The following KAZN variants were observed in gnomAD, a reference collection of about 807,000 sequenced individuals.
The protein encoded by KAZN is kazrin.
KAZN carries 40 observed loss-of-function variants against 87.4 expected under a neutral mutation model. That is an observed-to-expected ratio of 0.46 (90% CI 0.36 to 0.60). The LOEUF is 0.60. Ranked by LOEUF, KAZN falls within the 20% of genes least tolerant of loss-of-function variation. The pLI is 0.00. For synonymous variants in KAZN, 466 were observed against 458.3 expected (o/e 1.02, Z -0.22); for missense variants, 898 against 1,073.9 (o/e 0.84, Z 2.29).
chr1:14,900,123 C>A (rs1322542779), intron 1 of KAZN, among the ~76,000 whole-genome samples: 1 of 152,188 alleles, frequency 6.6e-6, no homozygotes, highest in Admixed American at 6.5e-5. Context: ...TGTCTGCTCA[C>A]CCCGATGGCT....
intron 2 of KAZN, among the ~76,000 whole-genome samples, chr1:14,323,388 G>A (rs1427731866): frequency 2.6e-5 from 4 of 151,970 alleles, no homozygotes; most frequent in Non-Finnish European, 5.9e-5. Context: ...TAATGTTCTG[G>A]TCACCAAATC....
intron 1 of KAZN, among the ~76,000 whole-genome samples, chr1:14,833,719 A>G (rs1240949842): frequency 2.6e-5 from 4 of 152,152 alleles, no homozygotes; most frequent in African/African-American, 9.7e-5. Flanking sequence ...AGTGGTGACC[A>G]GGAGCCTGAA....
chr1:14,897,525 G>T (rs541623361), intron 1 of KAZN, among the ~76,000 whole-genome samples: 1 of 152,058 alleles, frequency 6.6e-6, no homozygotes, highest in East Asian at 1.9e-4. Flanking sequence ...AAATGTAAAA[G>T]ATTAAATATT....
chr1:14,737,386 T>G (rs992820981), intron 1 of KAZN, among the ~76,000 whole-genome samples: 3 of 151,866 alleles, frequency 2.0e-5, no homozygotes, highest in African/African-American at 7.3e-5. Context: ...CACAGAGAAG[T>G]AAAGAGATCC....
chr1:14,102,912 CTCT>C (rs1557477400), intron 1 of KAZN, among the ~76,000 whole-genome samples: 2 of 149,424 alleles, frequency 1.3e-5, no homozygotes, highest in Non-Finnish European at 1.5e-5. Flanking sequence ...ACTAATCTCT[CTCT>C]TTTTTTTTTT....
chr1:15,004,854 C>T (rs945834714), intron 2 of KAZN, among the ~76,000 whole-genome samples: 1 of 152,138 alleles, frequency 6.6e-6, no homozygotes, highest in African/African-American at 2.4e-5. Flanking sequence ...AATAATAGTA[C>T]CCACCACCTG....
chr1:14,857,634 G>A (rs536177828), intron 1 of KAZN, among the ~76,000 whole-genome samples: 1 of 152,244 alleles, frequency 6.6e-6, no homozygotes, highest in African/African-American at 2.4e-5. Flanking sequence ...GAGGGCGCCC[G>A]CTGGCTCATT....
intron 1 of KAZN, among the ~76,000 whole-genome samples, chr1:14,900,035 C>T (rs115913996): frequency 6.6e-6 from 1 of 152,350 alleles, no homozygotes; most frequent in African/African-American, 2.4e-5. Context: ...CCTTGGGACT[C>T]AGGCCAAGTT....
At chr1:14,498,792 C>A (rs1670089187) in intron 2 of KAZN, among the ~76,000 whole-genome samples, 1 of 151,992 alleles carries the variant, frequency 6.6e-6, no homozygotes, top group Non-Finnish European at 1.5e-5. Context: ...TCCCTCCCTC[C>A]AAGCCATGGG....
intron 1 of KAZN, among the ~76,000 whole-genome samples, chr1:14,118,983 A>T (rs187162181): frequency 2.2e-4 from 34 of 152,266 alleles, no homozygotes; most frequent in African/African-American, 7.2e-4. Context: ...ATATCCAGAG[A>T]GGTAGCCCTG....
chr1:14,176,682 C>G (rs1159393473), intron 1 of KAZN, among the ~76,000 whole-genome samples: 1 of 152,220 alleles, frequency 6.6e-6, no homozygotes, highest in Non-Finnish European at 1.5e-5. Flanking sequence ...GGTATTCTCC[C>G]TACCCTATGG....
chr1:15,052,114 G>A (rs1181122763), intron 4 of KAZN, among the ~76,000 whole-genome samples: 2 of 152,142 alleles, frequency 1.3e-5, no homozygotes, highest in East Asian at 3.8e-4. Context: ...ATTGCCACAG[G>A]AGAGGATCTA....
At chr1:14,475,667 T>C (rs1668677600) in intron 2 of KAZN, among the ~76,000 whole-genome samples, 1 of 152,212 alleles carries the variant, frequency 6.6e-6, no homozygotes, top group Non-Finnish European at 1.5e-5. Context: ...TAATTCACAA[T>C]CCTGAATTCC....
intron 2 of KAZN, among the ~76,000 whole-genome samples, chr1:14,554,911 T>A (rs140394536): frequency 1.3e-5 from 2 of 152,340 alleles, no homozygotes; most frequent in East Asian, 3.9e-4. Context: ...CATTGCTTCT[T>A]CAAAACACAT....
chr1:14,703,041 G>A (rs1243436116), intron 1 of KAZN, among the ~76,000 whole-genome samples: 1 of 152,170 alleles, frequency 6.6e-6, no homozygotes, highest in Non-Finnish European at 1.5e-5. Context: ...TACAGATAAG[G>A]AAACTGAGGC....
At chr1:14,068,860 G>A (rs565783390) in intron 1 of KAZN, among the ~76,000 whole-genome samples, 30 of 149,992 alleles carry the variant, frequency 2.0e-4, no homozygotes, top group African/African-American at 4.9e-4. Context: ...GTGCAGTGGC[G>A]CCATCTCAGC....
At chr1:14,917,338 C>T (rs1487669682) in intron 1 of KAZN, among the ~76,000 whole-genome samples, 3 of 152,250 alleles carry the variant, frequency 2.0e-5, no homozygotes, top group Middle Eastern at 3.2e-3. Context: ...TCAGCACCAT[C>T]CCTGCTGGTG....
chr1:13,927,900 A>C (rs1016320649), intron 1 of KAZN, among the ~76,000 whole-genome samples: 2 of 152,164 alleles, frequency 1.3e-5, no homozygotes, highest in Non-Finnish European at 2.9e-5. Flanking sequence ...ATGAACATCA[A>C]GGAGGAGGGC....
intron 1 of KAZN, among the ~76,000 whole-genome samples, chr1:14,144,423 T>G (rs1645303714): frequency 6.6e-6 from 1 of 152,172 alleles, no homozygotes; most frequent in Admixed American, 6.5e-5. Flanking sequence ...TATGTCATTT[T>G]TAGTTTCTCT....
Sources: gnomAD v4.1 joint callset for allele counts (sites outside exome capture counted in the v4.1 genomes callset) on GRCh38, gnomAD v4.1.1 for gene constraint, MANE v1.5 for transcripts, NCBI Gene and HGNC (gene_info 2026-07-23, HGNC 2026-07-21) for gene names.